PCDHA8: variants seen among roughly 807,000 people sequenced by gnomAD.
PCDHA8 encodes protocadherin alpha-8.
PCDHA8 carries 53 observed loss-of-function variants against 61.8 expected under a neutral mutation model. That is an observed-to-expected ratio of 0.86 (90% CI 0.69 to 1.08). PCDHA8 has a LOEUF of 1.08. PCDHA8 is among the 50% of genes least tolerant of loss of function. The pLI, the probability that PCDHA8 is intolerant of heterozygous loss-of-function variation, is 0.00. For missense variants in PCDHA8, 1,293 were observed against 1,245.0 expected (o/e 1.04, Z -0.58); for synonymous variants, 618 against 556.6 (o/e 1.11, Z -1.55).
chr5:140,968,709 T>C lies in PCDHA8; in HGVS notation c.2395-10240T>C, dbSNP rs2153773320. ...GGAGAAATTAGGACTACCAGGAAGA[T>C]GGGAGATGAGAGTGGTAGCACTTTC... On this transcript the variant is annotated intron_variant, in intron 1 of 3. Coordinates refer to ENST00000531613, the MANE Select transcript of PCDHA8 (RefSeq NM_018911.3). The C allele has an allele frequency of 1.9e-6, 3 of 1,614,030 alleles. No homozygotes were observed. In the East Asian group the frequency reaches 6.7e-5, roughly 36 times the overall value.
intron 1 of PCDHA8, among the ~76,000 whole-genome samples, chr5:140,891,998 A>C (rs1336951985): frequency 2.6e-5 from 4 of 152,200 alleles, no homozygotes; most frequent in Non-Finnish European, 5.9e-5. Flanking sequence ...AGTCTGTGGC[A>C]TTCTGTTATA....
At position 140,843,126 on chromosome 5, in the gene PCDHA8, G is replaced by T. The variant is rs1554139770; in HGVS notation, c.1805G>T (p.Gly602Val). ...GTGCGCGCAGTGGACGCCGACTCGG[G>T]CTACAACGCGTGGCTTTCGTATGAG... The part of the protein sequence containing the change: ...AKVRAVDADS[G>V]YNAWLSYELQ... Residue 602 changes from glycine (G) to valine (V), a missense_variant, in exon 1 of 4, where the codon GGC (glycine) becomes GTC (valine). By Grantham distance (109) the Gly-to-Val change is moderately radical (BLOSUM62 -3). Transcript: ENST00000531613. The T allele has an allele frequency of 3.8e-6, 6 of 1,595,828 alleles. No homozygotes were observed. The highest frequency in any genetic ancestry group is 5.1e-6 in the Non-Finnish European group (6 of 1,165,576).
intron 1 of PCDHA8, among the ~76,000 whole-genome samples, chr5:140,872,884 T>C (rs1057197501): frequency 2.6e-5 from 4 of 152,238 alleles, no homozygotes; most frequent in Non-Finnish European, 4.4e-5. Flanking sequence ...GTTTCATTCA[T>C]CTCACTTTGT....
At chr5:140,846,601 C>T (rs1554141391) in intron 1 of PCDHA8, among the ~76,000 whole-genome samples, 1 of 148,800 alleles carries the variant, frequency 6.7e-6, no homozygotes, top group Non-Finnish European at 1.5e-5. Flanking sequence ...GTCTCGATCT[C>T]CTGACCTCCT....
chr5:140,943,657 C>T (rs531235288), intron 1 of PCDHA8, among the ~76,000 whole-genome samples: 51 of 151,756 alleles, frequency 3.4e-4, no homozygotes, highest in African/African-American at 1.2e-3. Flanking sequence ...CATCTATGAA[C>T]AATGTATAAA....
At position 140,884,483 on chromosome 5, in the gene PCDHA8, C is replaced by G. The variant is rs376374275; in HGVS notation, c.2394+40768C>G. The G allele has an allele frequency of 3.7e-6, 6 of 1,613,980 alleles. 1 individual carries two copies. In the South Asian group the frequency reaches 5.5e-5, roughly 15 times the overall value. On this transcript the variant is annotated intron_variant, in intron 1 of 3. Coordinates refer to ENST00000531613, the MANE Select transcript of PCDHA8 (RefSeq NM_018911.3). The stretch of plus-strand genomic sequence containing the variant: ...CGCGTGCGCGCCGGGCAAGCCCACT[C>G]TAGTGTGCTCCAGCGCGGCAGGGAG...
intron 1 of PCDHA8, chr5:140,852,582 ATTT>A: frequency 7.2e-6 from 5 of 693,510 alleles, no homozygotes; most frequent in Non-Finnish European, 8.9e-6. Context: ...AGGCTTTTTT[ATTT>A]TTTTTTTTTG....
intron 1 of PCDHA8, chr5:140,882,828 A>T: frequency 6.2e-7 from 1 of 1,614,226 alleles, no homozygotes; most frequent in Non-Finnish European, 8.5e-7. Context: ...AACAGTCTTG[A>T]GCAAATGTCT....
At chr5:140,941,950 A>C (rs2093203816) in intron 1 of PCDHA8, among the ~76,000 whole-genome samples, 1 of 152,172 alleles carries the variant, frequency 6.6e-6, no homozygotes, top group Admixed American at 6.5e-5. Context: ...TTTGTTTTGA[A>C]AACAATAGTA....
Position 140,959,365 on chromosome 5 carries a change from C to A in PCDHA8, c.2395-19584C>A, listed in dbSNP as rs77362755. On this transcript the variant is annotated intron_variant, in intron 1 of 3. Transcript: ENST00000531613. ...ACTCCAGCGGGACAACTGAGTGAGA[C>A]CCTGTCTCAAAAAAAAAAGTCACAA... Among the ~76,000 whole-genome samples the A allele has an allele frequency of 1.0e-3, 158 of 151,880 alleles. 5 individuals carry two copies. In the East Asian group the frequency reaches 0.028, roughly 27 times the overall value.
At chr5:140,954,520 A>G (rs1554221455) in intron 1 of PCDHA8, among the ~76,000 whole-genome samples, 1 of 152,192 alleles carries the variant, frequency 6.6e-6, no homozygotes, top group Admixed American at 6.6e-5. Context: ...CCTAATGATC[A>G]GTGATGTTGA....
chr5:140,883,696 G>T (rs142212706), intron 1 of PCDHA8: 2 of 1,613,818 alleles, frequency 1.2e-6, no homozygotes, highest in Non-Finnish European at 1.7e-6. Flanking sequence ...ACATCTTCAC[G>T]GTGTCTGCTC....
chr5:140,922,358 A>T (rs1273986507), intron 1 of PCDHA8, among the ~76,000 whole-genome samples: 2 of 152,212 alleles, frequency 1.3e-5, no homozygotes, highest in African/African-American at 4.8e-5. Flanking sequence ...TAGAGTAGTG[A>T]TTCTCACTGA....
At chr5:140,971,952 C>T (rs782029862) in intron 1 of PCDHA8, among the ~76,000 whole-genome samples, 3 of 152,012 alleles carry the variant, frequency 2.0e-5, no homozygotes, top group Non-Finnish European at 4.4e-5. Context: ...CATCTGACTC[C>T]AAAAACTTTT....
Position 140,887,790 on chromosome 5 carries a change from T to C in PCDHA8, c.2394+44075T>C, listed in dbSNP as rs564215639. On this transcript the variant is annotated intron_variant, in intron 1 of 3. Coordinates refer to ENST00000531613, the MANE Select transcript of PCDHA8 (RefSeq NM_018911.3). ...ACAATGACACAGGTCATTGAAGCGT[T>C]CTTTATTTTTGTCCATTTCTTTCTC... Among the ~76,000 whole-genome samples, 4 of 152,288 alleles carry C rather than the reference T, an allele frequency of 2.6e-5. No individual in the cohort carries two copies. The East Asian group carries it at 7.7e-4, about 29-fold the overall frequency.
At chr5:140,870,778 G>GACA (rs2052395482) in intron 1 of PCDHA8, 1 of 1,613,502 alleles carries the variant, frequency 6.2e-7, no homozygotes, top group Non-Finnish European at 8.5e-7. Flanking sequence ...GGACGAGAAC[G>GACA]ACAACGCGCC....
intron 1 of PCDHA8, among the ~76,000 whole-genome samples, chr5:140,945,947 A>C (rs2093865061): frequency 6.6e-6 from 1 of 152,132 alleles, no homozygotes; most frequent in Non-Finnish European, 1.5e-5. Flanking sequence ...TTTTTATATG[A>C]CCCTGAAAGC....
chr5:140,926,880 G>A lies in PCDHA8; in HGVS notation c.2395-52069G>A. 4 of 1,534,946 alleles carry A rather than the reference G, an allele frequency of 2.6e-6. No homozygotes were observed. The South Asian group carries it at 3.8e-5, about 15-fold the overall frequency. On this transcript the variant is annotated intron_variant, in intron 1 of 3. Transcript: ENST00000531613. ...TGTAGCGTGTTGGTGGAACGTGGAC[G>A]CCTAGAGGGAGGATGGTGGGCTGTG...
Position 140,842,047 on chromosome 5 carries a change from C to T in PCDHA8, c.726C>T (p.Phe242=), listed in dbSNP as rs2150327967. Residue 242 remains phenylalanine (F), a synonymous_variant, in exon 1 of 4, where the codon TTC becomes TTT. Coordinates refer to ENST00000531613, the MANE Select transcript of PCDHA8 (RefSeq NM_018911.3). ...ATGTGAATGATAATGCTCCCACTTT[C>T]GAACAGTCTGAATACGAAGTAAGAA... ...VLDVNDNAPT[F]EQSEYEVRIF... 2 of 1,613,806 alleles carry T rather than the reference C, an allele frequency of 1.2e-6. No individual in the cohort carries two copies. The highest frequency in any genetic ancestry group is 8.5e-7 in the Non-Finnish European group (1 of 1,179,838).
Sources: allele counts gnomAD v4.1 joint callset (sites outside exome capture counted in the v4.1 genomes callset), GRCh38; gene constraint gnomAD v4.1.1; transcripts MANE v1.5; gene names NCBI Gene and HGNC (gene_info 2026-07-23, HGNC 2026-07-21).